The following CTNND2 variants were observed in gnomAD, a reference collection of about 807,000 sequenced individuals.
The protein encoded by CTNND2 is catenin delta 2.
CTNND2 carries 22 observed loss-of-function variants against 144.4 expected under a neutral mutation model. The ratio of observed to expected loss-of-function variants is 0.15; its 90% CI spans 0.11 to 0.22. The LOEUF is 0.22. CTNND2 is among the 10% of genes least tolerant of loss of function. The pLI is 1.00. For missense variants in CTNND2, 1,353 were observed against 1,618.8 expected (o/e 0.84, Z 2.82); for synonymous variants, 751 against 695.6 (o/e 1.08, Z -1.25).
At chr5:11,653,270 A>T (rs1403497692) in intron 2 of CTNND2, among the ~76,000 whole-genome samples, 1 of 152,098 alleles carries the variant, frequency 6.6e-6, no homozygotes, top group African/African-American at 2.4e-5. Flanking sequence ...ACATATACCC[A>T]TTATAGTGCG....
chr5:11,586,897 T>G (rs1221995022), intron 2 of CTNND2, among the ~76,000 whole-genome samples: 6 of 152,206 alleles, frequency 3.9e-5, no homozygotes, highest in Admixed American at 3.3e-4. Flanking sequence ...AAGGGCCTAC[T>G]TAGTATGTTT....
intron 3 of CTNND2, among the ~76,000 whole-genome samples, chr5:11,477,373 C>T (rs923918524): frequency 2.3e-5 from 3 of 128,274 alleles, no homozygotes; most frequent in Admixed American, 8.4e-5. Context: ...TATGAATACA[C>T]ATCACCTATT....
chr5:11,389,576 G>A (rs1374162044), intron 6 of CTNND2, among the ~76,000 whole-genome samples: 3 of 152,092 alleles, frequency 2.0e-5, no homozygotes, highest in Non-Finnish European at 4.4e-5. Context: ...CTGTTTAAGG[G>A]GAGGATGTAT....
intron 2 of CTNND2, among the ~76,000 whole-genome samples, chr5:11,623,716 T>C (rs961893185): frequency 1.3e-5 from 2 of 148,668 alleles, no homozygotes; most frequent in East Asian, 2.0e-4. Context: ...TAAACCAACA[T>C]AGATCCAAAA....
At chr5:11,785,102 T>G (rs1790757865) in intron 1 of CTNND2, among the ~76,000 whole-genome samples, 1 of 152,254 alleles carries the variant, frequency 6.6e-6, no homozygotes, top group Non-Finnish European at 1.5e-5. Context: ...TTTCCCTGAT[T>G]AGAGTTCTTC....
chr5:11,089,634 T>C (rs368886783), intron 15 of CTNND2, among the ~76,000 whole-genome samples: 25 of 152,288 alleles, frequency 1.6e-4, no homozygotes, highest in African/African-American at 6.0e-4. Flanking sequence ...AGGGGAACTA[T>C]GCAAAAAGGA....
At chr5:11,887,507 C>CAA (rs35431230) in intron 1 of CTNND2, among the ~76,000 whole-genome samples, 26 of 141,580 alleles carry the variant, frequency 1.8e-4, no homozygotes, top group South Asian at 4.6e-4. Flanking sequence ...TTTGAGCAAG[C>CAA]AAAAAAAAAA....
intron 2 of CTNND2, among the ~76,000 whole-genome samples, chr5:11,663,924 T>C (rs949689720): frequency 1.2e-4 from 18 of 152,188 alleles, no homozygotes; most frequent in Admixed American, 1.1e-3. Context: ...AAAAGGGATC[T>C]GATTGGCAAC....
chr5:11,849,391 A>C (rs1794908997), intron 1 of CTNND2, among the ~76,000 whole-genome samples: 1 of 152,146 alleles, frequency 6.6e-6, no homozygotes. Context: ...GAAAGAGAAA[A>C]AAATGAGCCA....
chr5:11,367,473 G>A (rs1757090646), intron 7 of CTNND2, among the ~76,000 whole-genome samples: 1 of 152,214 alleles, frequency 6.6e-6, no homozygotes, highest in African/African-American at 2.4e-5. Flanking sequence ...AATGTCATTA[G>A]ATGGTGTATA....
At position 11,465,701 on chromosome 5, in the gene CTNND2, A is replaced by G. The variant is rs531681711; in HGVS notation, c.288-53632T>C. On this transcript the variant is annotated intron_variant, in intron 3 of 21. Transcript: ENST00000304623. ...AGACCCTGAAAATATTAAAACCATC[A>G]TGGTGACTAAATAATCTTAGCAAGT... Among the ~76,000 whole-genome samples the G allele has an allele frequency of 2.6e-5, 4 of 152,340 alleles. No homozygotes were observed. The East Asian group carries it at 7.7e-4, about 29-fold the overall frequency.
At chr5:11,403,562 G>A (rs1339293315) in intron 5 of CTNND2, among the ~76,000 whole-genome samples, 2 of 152,128 alleles carry the variant, frequency 1.3e-5, no homozygotes, top group Non-Finnish European at 2.9e-5. Flanking sequence ...TCAGAGAAGT[G>A]TACTTTTCAT....
At chr5:11,567,907 AT>A (rs1777249081) in intron 2 of CTNND2, among the ~76,000 whole-genome samples, 1 of 152,190 alleles carries the variant, frequency 6.6e-6, no homozygotes, top group South Asian at 2.1e-4. Flanking sequence ...ATAGGTTTGT[AT>A]TCCTATAATT....
At chr5:11,291,043 G>A (rs1178432550) in intron 9 of CTNND2, among the ~76,000 whole-genome samples, 3 of 152,006 alleles carry the variant, frequency 2.0e-5, no homozygotes, top group Non-Finnish European at 2.9e-5. Context: ...GAGAAGTGAA[G>A]AGAAGTGATC....
Position 11,859,674 on chromosome 5 carries a change from A to G in CTNND2, c.37+44143T>C, listed in dbSNP as rs953546135. ...TGCTGTTCATCTATGAGAGCCACCT[A>G]CATGCCTGTAACTCACACAAACCTC... On this transcript the variant is annotated intron_variant, in intron 1 of 21. Coordinates refer to ENST00000304623, the MANE Select transcript of CTNND2 (RefSeq NM_001332.4). Among the ~76,000 whole-genome samples the G allele has an allele frequency of 2.0e-5, 3 of 152,152 alleles. No homozygotes were observed. In the East Asian group the frequency reaches 5.8e-4, roughly 29 times the overall value.
At chr5:11,341,862 A>T (rs1754307312) in intron 9 of CTNND2, among the ~76,000 whole-genome samples, 1 of 151,964 alleles carries the variant, frequency 6.6e-6, no homozygotes, top group Non-Finnish European at 1.5e-5. Context: ...AATAAAAACA[A>T]TTTAACCAGG....
chr5:11,234,982 C>A (rs1741468024), intron 10 of CTNND2, among the ~76,000 whole-genome samples: 1 of 152,194 alleles, frequency 6.6e-6, no homozygotes, highest in Admixed American at 6.5e-5. Context: ...TAAGCTTTCT[C>A]AAGACAATTT....
rs114695524 is a variant in CTNND2, at chr5:11,701,621, T to C, written c.174+30515A>G. ...ACCCACTTCATTTACTATAACCTAGTCTATGTATTAAAACCCCAAAAGAAC... is the reference window on the plus strand; with the variant it reads ...ACCCACTTCATTTACTATAACCTAGCCTATGTATTAAAACCCCAAAAGAAC... On this transcript the variant is annotated intron_variant, in intron 2 of 21. Coordinates refer to ENST00000304623, the MANE Select transcript of CTNND2 (RefSeq NM_001332.4). Among the ~76,000 whole-genome samples, 787 of 152,226 alleles carry C rather than the reference T, an allele frequency of 5.2e-3. 2 individuals are homozygous for C. Among genetic ancestry groups the C allele is most frequent in the Non-Finnish European group, 7.9e-3 (537 of 68,008 alleles).
At chr5:11,177,229 A>G (rs1200558292) in intron 11 of CTNND2, among the ~76,000 whole-genome samples, 1 of 152,208 alleles carries the variant, frequency 6.6e-6, no homozygotes, top group African/African-American at 2.4e-5. Context: ...TAAGGCCCCA[A>G]GAAGAGAGTG....
Sources: gnomAD v4.1 joint callset for allele counts (sites outside exome capture counted in the v4.1 genomes callset) on GRCh38, gnomAD v4.1.1 for gene constraint, MANE v1.5 for transcripts, NCBI Gene and HGNC (gene_info 2026-07-23, HGNC 2026-07-21) for gene names.